Variants in NAALADL2 observed in about 807,000 individuals in gnomAD.
The protein encoded by NAALADL2 is inactive N-acetylated-alpha-linked acidic dipeptidase-like protein 2.
NAALADL2 carries 76 observed loss-of-function variants against 87.2 expected under a neutral mutation model. The ratio of observed to expected loss-of-function variants is 0.87; its 90% CI spans 0.72 to 1.05. The LOEUF is 1.05. Among genes scored for constraint, NAALADL2 ranks in the 50% least tolerant of loss-of-function variants. NAALADL2 has a pLI of 0.00. For missense variants in NAALADL2, 1,089 were observed against 945.8 expected, an observed-to-expected ratio of 1.15 and a Z score of -1.99; for synonymous variants, 354 against 331.0, an observed-to-expected ratio of 1.07 and a Z score of -0.75.
chr3:174,642,748 ACAT>A (rs1478337556), intron 2 of NAALADL2, among the ~76,000 whole-genome samples: 9 of 39,596 alleles, frequency 2.3e-4, no homozygotes, highest in Admixed American at 9.7e-4. Context: ...ATGAAAAAAA[ACAT>A]ATATATATAT....
At position 174,868,632 on chromosome 3, in the gene NAALADL2, G is replaced by A. The variant is rs142607312; in HGVS notation, c.43+9182G>A. Among the ~76,000 whole-genome samples the A allele has an allele frequency of 6.1e-3, 840 of 137,152 alleles. 8 individuals carry two copies. Among genetic ancestry groups the A allele is most frequent in the African/African-American group, 0.022 (818 of 37,248 alleles). The allele number at this position is 137,152 out of a possible 152,430, so 90.0% of individuals were successfully genotyped here. ...AAATTGGTGTTTGCTTGTACTGAAG[G>A]AGGAAAAATGAAGAGACTGTGAAAA... On this transcript the variant is annotated intron_variant, in intron 1 of 13. Coordinates refer to ENST00000454872, the MANE Select transcript of NAALADL2 (RefSeq NM_207015.3).
rs186742233 is a variant in NAALADL2, at chr3:175,174,962, A to G, written c.546-58969A>G. Among the ~76,000 whole-genome samples, 404 of 152,210 alleles carry G rather than the reference A, an allele frequency of 2.7e-3. 2 individuals are homozygous for G. The highest frequency in any genetic ancestry group is 9.2e-3 in the African/African-American group (384 of 41,570). On this transcript the variant is annotated intron_variant, in intron 2 of 13. Transcript: ENST00000454872. ...CACTATTAGGAACATATAGAGTTAAAAGCATTAAAATTCAATGAAGATAAT... is the reference window on the plus strand; with the variant it reads ...CACTATTAGGAACATATAGAGTTAAGAGCATTAAAATTCAATGAAGATAAT...
At chr3:175,265,092 A>G (rs1327754537) in intron 4 of NAALADL2, among the ~76,000 whole-genome samples, 2 of 151,664 alleles carry the variant, frequency 1.3e-5, no homozygotes, top group Non-Finnish European at 3.0e-5. Context: ...ATCAAGAACT[A>G]TATTTTCTCC....
intron 2 of NAALADL2, among the ~76,000 whole-genome samples, chr3:175,187,039 C>T (rs1326169373): frequency 6.6e-6 from 1 of 151,952 alleles, no homozygotes; most frequent in African/African-American, 2.4e-5. Context: ...ATTCAAAAAG[C>T]TAGGTGATTT....
At chr3:175,136,211 C>T (rs1407866126) in intron 2 of NAALADL2, among the ~76,000 whole-genome samples, 1 of 152,076 alleles carries the variant, frequency 6.6e-6, no homozygotes, top group Admixed American at 6.6e-5. Context: ...AGAAAGAAGG[C>T]TGGGAAAACA....
chr3:175,590,546 A>T (rs1402144388), intron 10 of NAALADL2, among the ~76,000 whole-genome samples: 3 of 152,160 alleles, frequency 2.0e-5, no homozygotes, highest in Non-Finnish European at 4.4e-5. Context: ...AAAGGAATCT[A>T]TGTTCAAATT....
chr3:174,721,878 G>A (rs768020114), intron 2 of NAALADL2, among the ~76,000 whole-genome samples: 2 of 152,134 alleles, frequency 1.3e-5, no homozygotes, highest in Non-Finnish European at 2.9e-5. Context: ...CAGTAAGCAA[G>A]ACTGATTTTT....
intron 11 of NAALADL2, among the ~76,000 whole-genome samples, chr3:175,668,341 TGAGCTA>T (rs1212664237): frequency 8.5e-5 from 13 of 152,306 alleles, no homozygotes; most frequent in African/African-American, 3.1e-4. Context: ...ATCTTTTTTA[TGAGCTA>T]TTGTTTATTA....
At chr3:175,566,075 C>G (rs1310289576) in intron 9 of NAALADL2, among the ~76,000 whole-genome samples, 1 of 151,986 alleles carries the variant, frequency 6.6e-6, no homozygotes, top group African/African-American at 2.4e-5. Context: ...GGTGATCCAC[C>G]CACGTCGGCC....
intron 1 of NAALADL2, among the ~76,000 whole-genome samples, chr3:175,045,950 A>G (rs969724437): frequency 1.3e-5 from 2 of 152,028 alleles, no homozygotes; most frequent in Admixed American, 1.3e-4. Flanking sequence ...GCTTCATAAG[A>G]CATTCAGAGA....
At chr3:175,610,590 T>C (rs1724490553) in intron 10 of NAALADL2, among the ~76,000 whole-genome samples, 1 of 152,128 alleles carries the variant, frequency 6.6e-6, no homozygotes, top group Non-Finnish European at 1.5e-5. Flanking sequence ...AATAATACTG[T>C]AAAAATTCTA....
In NAALADL2 at chr3:175,196,654, C is replaced by A. The variant is rs557165861; in HGVS notation, c.546-37277C>A. On this transcript the variant is annotated intron_variant, in intron 2 of 13. Coordinates refer to ENST00000454872, the MANE Select transcript of NAALADL2 (RefSeq NM_207015.3). ...ATAGATATGCCTTTCTTACAGTAAT[C>A]TTGCACCCACGTAAAAGTTGCATTT... Among the ~76,000 whole-genome samples the A allele has an allele frequency of 3.3e-5, 5 of 152,024 alleles. No individual in the cohort carries two copies. In the South Asian group the frequency reaches 8.3e-4, roughly 25 times the overall value.
At chr3:175,142,494 T>G (rs1174091414) in intron 2 of NAALADL2, among the ~76,000 whole-genome samples, 1 of 152,044 alleles carries the variant, frequency 6.6e-6, no homozygotes, top group Non-Finnish European at 1.5e-5. Flanking sequence ...GAAAACGTAG[T>G]TACAAGTCTG....
At chr3:175,373,920 TG>T (rs1436281568) in intron 5 of NAALADL2, among the ~76,000 whole-genome samples, 2 of 152,216 alleles carry the variant, frequency 1.3e-5, no homozygotes, top group African/African-American at 2.4e-5. Flanking sequence ...ATTTTGAGCA[TG>T]TTTTTTATGC....
chr3:174,704,112 C>A (rs1056998232), intron 2 of NAALADL2, among the ~76,000 whole-genome samples: 9 of 152,180 alleles, frequency 5.9e-5, no homozygotes, highest in African/African-American at 2.2e-4. Context: ...CACTCACTCA[C>A]TAATACATAG....
At chr3:175,015,257 C>T (rs866831344) in intron 1 of NAALADL2, among the ~76,000 whole-genome samples, 13 of 152,086 alleles carry the variant, frequency 8.5e-5, no homozygotes, top group African/African-American at 2.7e-4. Context: ...ATGACAACAA[C>T]ATTTGGAGGC....
At chr3:174,885,876 GTTTTTTTTTTTTTTTTTTTTTT>G (rs60403770) in intron 1 of NAALADL2, among the ~76,000 whole-genome samples, 3 of 101,638 alleles carry the variant, frequency 3.0e-5, no homozygotes, top group Admixed American at 1.1e-4. Context: ...AGTCCGAGTT[GTTTTTTTTTTTTTTTTTTTTTT>G]TTTTTTTTTT....
In NAALADL2 at chr3:174,621,857, T is replaced by C. The variant is rs181239074; in HGVS notation, c.-115+71220T>C. On this transcript the variant is annotated intron_variant, in intron 2 of 3. Transcript: ENST00000434257. ...GATGTAAAAAATAGAAGCTTATTTATTAATTTATTGTAAGGAACATGTGAA... is the reference window on the plus strand; with the variant it reads ...GATGTAAAAAATAGAAGCTTATTTACTAATTTATTGTAAGGAACATGTGAA... Among the ~76,000 whole-genome samples the C allele has an allele frequency of 1.9e-3, 292 of 152,276 alleles. 1 individual carries two copies. The highest frequency in any genetic ancestry group is 6.6e-3 in the African/African-American group (275 of 41,544).
intron 4 of NAALADL2, among the ~76,000 whole-genome samples, chr3:175,281,889 T>C (rs1045521290): frequency 1.4e-4 from 22 of 152,032 alleles, no homozygotes; most frequent in African/African-American, 5.3e-4. Context: ...TTATGAGTTA[T>C]TTTAAGATTC....
Sources: allele counts gnomAD v4.1 joint callset (sites outside exome capture counted in the v4.1 genomes callset), GRCh38; gene constraint gnomAD v4.1.1; transcripts MANE v1.5; gene names NCBI Gene and HGNC (gene_info 2026-07-23, HGNC 2026-07-21).